The following NUDT5 variants were observed in gnomAD, a reference collection of about 807,000 sequenced individuals.
NUDT5 encodes ADP-sugar pyrophosphatase.
Under a neutral mutation model 34.1 loss-of-function variants are expected in NUDT5, and 21 were observed. That is an observed-to-expected ratio of 0.62 (90% CI 0.44 to 0.89). The LOEUF is 0.89. Ranked by LOEUF, NUDT5 falls within the 40% of genes least tolerant of loss-of-function variation. The probability of loss-of-function intolerance (pLI) is 0.00; values close to 1 mark genes in which losing one functional copy is unlikely to be tolerated. For synonymous variants in NUDT5, 85 were observed against 97.6 expected (o/e 0.87, Z 0.76); for missense variants, 249 against 274.8 (o/e 0.91, Z 0.66).
Position 12,170,662 on chromosome 10 carries a change from G to C in NUDT5, c.550+55C>G. 1 of 1,519,736 alleles carries C rather than the reference G, an allele frequency of 6.6e-7. No individual in the cohort carries two copies. 94.1% of individuals were successfully genotyped at this position (1,519,736 alleles called of 1,614,324 possible). A position where few individuals can be genotyped will look rare whatever the true frequency, so the allele number is the denominator to read the frequency against. On this transcript the variant is annotated intron_variant, in intron 9 of 9. Coordinates refer to ENST00000491614, the MANE Select transcript of NUDT5 (RefSeq NM_014142.4). The surrounding 1 kb of genome is among the most constrained non-coding windows in gnomAD (Gnocchi z 4.9). ...AGTTATATTTAGTACCCAGTTTGCTGGGATGGGGACGGGGAGAACTGGAGA... is the reference window on the plus strand; with the variant it reads ...AGTTATATTTAGTACCCAGTTTGCTCGGATGGGGACGGGGAGAACTGGAGA...
In NUDT5 at chr10:12,184,882, A is replaced by C; in HGVS notation, c.131+7T>G. ...CGAACATTTTGTAAGAAAAAAAAAA[A>C]GTTTACCTAGTTTTACCAGTAGGAT... On this transcript the variant is annotated splice_region_variant and intron_variant, in intron 3 of 9. Coordinates refer to ENST00000491614, the MANE Select transcript of NUDT5 (RefSeq NM_014142.4). 1 of 1,532,430 alleles carries C rather than the reference A, an allele frequency of 6.5e-7. No individual in the cohort carries two copies. The highest frequency in any genetic ancestry group is 8.9e-7 in the Non-Finnish European group (1 of 1,120,862). The allele number at this position is 1,532,430 out of a possible 1,614,324, so 94.9% of individuals were successfully genotyped here. A position where few individuals can be genotyped will look rare whatever the true frequency, so the allele number is the denominator to read the frequency against.
Position 12,171,274 on chromosome 10 carries a change from T to C in NUDT5, c.488-366A>G, listed in dbSNP as rs1834846494. On this transcript the variant is annotated intron_variant, in intron 7 of 9. Transcript: ENST00000491614. The surrounding 1 kb of genome is among the most constrained non-coding windows in gnomAD (Gnocchi z 4.2). ...ACCACCAGTATCCATCTCCAGAACT[T>C]TTCATGACACCCAACAGAAACTCGG... Among the ~76,000 whole-genome samples, 1 of 152,160 alleles carries C rather than the reference T, an allele frequency of 6.6e-6. No individual in the cohort carries two copies. Among genetic ancestry groups the C allele is most frequent in the Non-Finnish European group, 1.5e-5 (1 of 68,028 alleles).
rs1353773158 is a variant in NUDT5 at position 12,168,054 on chromosome 10, T to C, written c.551-243A>G. Among the ~76,000 whole-genome samples, 3 of 151,142 alleles carry C rather than the reference T, an allele frequency of 2.0e-5. No homozygotes were observed. Among genetic ancestry groups the C allele is most frequent in the Non-Finnish European group, 4.4e-5 (3 of 67,920 alleles). On this transcript the variant is annotated intron_variant, in intron 9 of 9. Coordinates refer to ENST00000491614, the MANE Select transcript of NUDT5 (RefSeq NM_014142.4). This position sits in a 1 kb window ranked among gnomAD's most constrained non-coding sequence, Gnocchi z 4.8. ...TTTTTTTTTTTTTGGTGAGACAGTC[T>C]CGCTCTGTTGCCCAAGCTAGAGGGC...
At chr10:12,184,762 A>G in intron 3 of NUDT5, 127 bp downstream of exon 3, 2 of 682,784 alleles carry the variant, frequency 2.9e-6, no homozygotes, top group African/African-American at 1.8e-5. Flanking sequence ...CACTGGAAAA[A>G]CAGCTAAATC....
chr10:12,176,958 C>CA (rs1421599321), intron 5 of NUDT5, among the ~76,000 whole-genome samples: 2 of 151,994 alleles, frequency 1.3e-5, no homozygotes, highest in Non-Finnish European at 2.9e-5. Flanking sequence ...CCTGTCTCTA[C>CA]AAAAAATACA....
At chr10:12,167,845 C>T (rs1220689516) in intron 9 of NUDT5, 34 bp from the exon 10 acceptor site, 2 of 1,610,964 alleles carry the variant, frequency 1.2e-6, no homozygotes, top group Admixed American at 1.7e-5. Context: ...TTAGATCATG[C>T]CGTTAAGGAA....
rs1834834903 is a variant in NUDT5 at position 12,170,636 on chromosome 10, G to GAGTT, written c.550+77_550+80dup. On this transcript the variant is annotated intron_variant, in intron 9 of 9. Transcript: ENST00000491614. The surrounding 1 kb of genome is among the most constrained non-coding windows in gnomAD (Gnocchi z 4.9). ...GTGATACAAAAAAGATAAAGAAATG[G>GAGTT]AGTTATATTTAGTACCCAGTTTGCT... The GAGTT allele has an allele frequency of 8.0e-7, 1 of 1,250,836 alleles. No homozygotes were observed. The highest frequency in any genetic ancestry group is 1.7e-5 in the Admixed American group (1 of 58,714). The allele number at this position is 1,250,836 out of a possible 1,614,324, so 77.5% of individuals were successfully genotyped here.
chr10:12,173,641 G>C lies in NUDT5; in HGVS notation c.385+77C>G, dbSNP rs1241403551. 2 of 1,100,494 alleles carry C rather than the reference G, an allele frequency of 1.8e-6. No homozygotes were observed. The highest frequency in any genetic ancestry group is 4.7e-5 in the East Asian group (2 of 42,196). 68.2% of individuals were successfully genotyped at this position (1,100,494 alleles called of 1,614,324 possible). On this transcript the variant is annotated intron_variant, in intron 6 of 9. Coordinates refer to ENST00000491614, the MANE Select transcript of NUDT5 (RefSeq NM_014142.4). The surrounding 1 kb of genome is among the most constrained non-coding windows in gnomAD (Gnocchi z 4.7). The stretch of plus-strand genomic sequence containing the variant: ...TCTTTCTCTTCAGTGAATTCTGAGC[G>C]TAAAGAACACCCAAATAATCAATCC...
chr10:12,191,154 C>T (rs1034863145), intron 1 of NUDT5, among the ~76,000 whole-genome samples: 9 of 152,018 alleles, frequency 5.9e-5, no homozygotes, highest in Admixed American at 3.3e-4. Flanking sequence ...GAGGCCGAGG[C>T]GGGTGGATCA....
intron 1 of NUDT5, among the ~76,000 whole-genome samples, chr10:12,189,460 G>A (rs1457826225): frequency 1.3e-5 from 2 of 152,134 alleles, no homozygotes; most frequent in African/African-American, 2.4e-5. Flanking sequence ...AAACAGTATC[G>A]TGCAGCAATC....
intron 4 of NUDT5, 127 bp downstream of exon 4, chr10:12,178,956 A>C: frequency 1.2e-6 from 1 of 820,932 alleles, no homozygotes; most frequent in Non-Finnish European, 2.0e-6. Flanking sequence ...ATAGTATGGC[A>C]AAACCTAAGC....
intron 1 of NUDT5, among the ~76,000 whole-genome samples, chr10:12,190,299 G>A (rs1432308882): frequency 1.3e-5 from 2 of 152,216 alleles, no homozygotes; most frequent in South Asian, 2.1e-4. Context: ...GGTCTAGGAT[G>A]TGTTGGATGT....
rs1037764390 is a variant in NUDT5, at chr10:12,165,684, G to A, written c.*2018C>T. ...AAACTATGTGCTTTATTTCCCAAAA[G>A]ATCAAACTTAATTTTTAAAAGACAC... On this transcript the variant is annotated 3_prime_UTR_variant, in exon 10 of 10. Transcript: ENST00000491614. 1 of 152,220 alleles carries A rather than the reference G, an allele frequency of 6.6e-6. No homozygotes were observed. The highest frequency in any genetic ancestry group is 6.5e-5 in the Admixed American group (1 of 15,282). 9.4% of individuals were successfully genotyped at this position (152,220 alleles called of 1,614,324 possible).
In NUDT5 at chr10:12,194,547, C is replaced by T. The variant is rs1205791790; in HGVS notation, c.-42+1223G>A. Among the ~76,000 whole-genome samples, 3 of 152,364 alleles carry T rather than the reference C, an allele frequency of 2.0e-5. No individual in the cohort carries two copies. In the East Asian group the frequency reaches 5.8e-4, roughly 29 times the overall value. On this transcript the variant is annotated intron_variant, in intron 1 of 9. Transcript: ENST00000491614. ...CTGCAACATTATAATCTATTTACCT[C>T]TGCTTTGAAAATGTATTCTTTAAAG...
Position 12,165,592 on chromosome 10 carries a change from G to GT in NUDT5, c.*2109dup, listed in dbSNP as rs1288712759. The GT allele has an allele frequency of 6.4e-6, 1 of 155,264 alleles. No individual in the cohort carries two copies. The highest frequency in any genetic ancestry group is 1.4e-5 in the Non-Finnish European group (1 of 70,888). 9.6% of individuals were successfully genotyped at this position (155,264 alleles called of 1,614,324 possible). On this transcript the variant is annotated 3_prime_UTR_variant, in exon 10 of 10. Transcript: ENST00000491614. Reference sequence around the variant, plus strand: ...ACATTTGGGAGGAAACAGGAAAACAGTGGTCTCAAAACAACAATATCCCAG... The same window carrying GT: ...ACATTTGGGAGGAAACAGGAAAACAGTTGGTCTCAAAACAACAATATCCCAG...
At chr10:12,183,133 A>G (rs1835070757) in intron 3 of NUDT5, among the ~76,000 whole-genome samples, 2 of 152,268 alleles carry the variant, frequency 1.3e-5, no homozygotes, top group Admixed American at 6.5e-5. Flanking sequence ...ATCACTATAC[A>G]TTGGGTTCCA....
rs751960228 is a variant in NUDT5, at chr10:12,191,389, A to AAAAAC, written c.-42+4376_-42+4380dup. Among the ~76,000 whole-genome samples the AAAAAC allele has an allele frequency of 2.4e-3, 342 of 144,620 alleles. 1 individual carries two copies. Among genetic ancestry groups the AAAAAC allele is most frequent in the Non-Finnish European group, 3.9e-3 (260 of 66,646 alleles). The allele number at this position is 144,620 out of a possible 152,430, so 94.9% of individuals were successfully genotyped here. On this transcript the variant is annotated intron_variant, in intron 1 of 9. Transcript: ENST00000491614. Reference sequence around the variant, plus strand: ...CAGAGCAAGACTCCGTCTCAAAAACAAAAACAAAACAAAACAAAAAAAACC... The same window carrying AAAAAC: ...CAGAGCAAGACTCCGTCTCAAAAACAAAAACAAAACAAAACAAAACAAAAAAAACC...
chr10:12,167,596 C>T lies in NUDT5; in HGVS notation c.*106G>A, dbSNP rs569906202. On this transcript the variant is annotated 3_prime_UTR_variant, in exon 10 of 10. Transcript: ENST00000491614. Reference sequence around the variant, plus strand: ...ACATCTGTTCTGTGCTTTTATTTTACGAAAAAGCTAATGGCAAATCTACAT... The same window carrying T: ...ACATCTGTTCTGTGCTTTTATTTTATGAAAAAGCTAATGGCAAATCTACAT... The T allele has an allele frequency of 5.5e-4, 609 of 1,110,782 alleles. 4 individuals are homozygous for T. The South Asian group carries it at 8.1e-3, about 15-fold the overall frequency. The allele number at this position is 1,110,782 out of a possible 1,614,324, so 68.8% of individuals were successfully genotyped here.
At chr10:12,184,546 T>C (rs1480369747) in intron 3 of NUDT5, 1 of 1,522,862 alleles carries the variant, frequency 6.6e-7, no homozygotes, top group Non-Finnish European at 8.9e-7. Context: ...ATTTAGAAAT[T>C]AAAAACAGAT....
Sources: gnomAD v4.1 joint callset for allele counts (sites outside exome capture counted in the v4.1 genomes callset) on GRCh38, gnomAD v4.1.1 for gene constraint, Gnocchi (gnomAD v3.1) non-coding constraint, MANE v1.5 for transcripts, NCBI Gene and HGNC (gene_info 2026-07-23, HGNC 2026-07-21) for gene names.